Variants in SLC35F4 observed in about 807,000 individuals in gnomAD.
SLC35F4 encodes the protein solute carrier family 35 member F4.
SLC35F4 carries 24 observed loss-of-function variants against 44.2 expected under a neutral mutation model. The observed-to-expected ratio is 0.54, with a 90% CI of 0.39 to 0.76. The LOEUF is 0.76. Among genes scored for constraint, SLC35F4 ranks in the 30% least tolerant of loss-of-function variants. The probability of loss-of-function intolerance (pLI) is 0.00; values close to 1 mark genes in which losing one functional copy is unlikely to be tolerated. For missense variants in SLC35F4, 562 were observed against 586.1 expected (o/e 0.96, Z 0.42); for synonymous variants, 238 against 223.6 (o/e 1.06, Z -0.57).
chr14:57,800,963 G>T (rs968738948), intron 1 of SLC35F4, among the ~76,000 whole-genome samples: 1 of 152,178 alleles, frequency 6.6e-6, no homozygotes, highest in Non-Finnish European at 1.5e-5. Context: ...TCATCCAGAA[G>T]AACTTCCCCA....
At chr14:57,652,443 A>G (rs947290794) in intron 1 of SLC35F4, among the ~76,000 whole-genome samples, 1 of 152,136 alleles carries the variant, frequency 6.6e-6, no homozygotes, top group Non-Finnish European at 1.5e-5. Context: ...TTTTTGGAGC[A>G]AATTTCTTCT....
chr14:57,802,985 C>CAAAAAAAAAAAAAAA (rs59647111), intron 1 of SLC35F4, among the ~76,000 whole-genome samples: 1 of 71,320 alleles, frequency 1.4e-5, no homozygotes, highest in Non-Finnish European at 2.6e-5. Context: ...GCAGAGATAC[C>CAAAAAAAAAAAAAAA]AAAAAAAAAA....
chr14:57,844,947 C>A (rs1346021573), intron 1 of SLC35F4, among the ~76,000 whole-genome samples: 1 of 152,080 alleles, frequency 6.6e-6, no homozygotes, highest in African/African-American at 2.4e-5. Flanking sequence ...CCCCACCCCC[C>A]CATGCACATA....
At chr14:57,817,619 T>C (rs1028410319) in intron 1 of SLC35F4, among the ~76,000 whole-genome samples, 3 of 151,986 alleles carry the variant, frequency 2.0e-5, no homozygotes, top group African/African-American at 7.2e-5. Flanking sequence ...GGAGAATACA[T>C]ATGAGACAGG....
At chr14:57,822,236 T>C (rs539923863) in intron 1 of SLC35F4, among the ~76,000 whole-genome samples, 1 of 152,358 alleles carries the variant, frequency 6.6e-6, no homozygotes, top group East Asian at 1.9e-4. Context: ...GGTAAGTTTC[T>C]GTGTCCTTTG....
rs549849873 is a variant in SLC35F4, at chr14:57,812,290, C to T, written c.103+53433G>A. 3.3e-5 allele frequency among the ~76,000 whole-genome samples: 5 copies of T among 152,244 alleles called. No homozygotes were observed. The South Asian group carries it at 1.0e-3, about 32-fold the overall frequency. The stretch of plus-strand genomic sequence containing the variant: ...CTGGAACCCAAACTGTGCCCCTCCC[C>T]TCCCACCTCCCTTTCAGAGTCTACT... On this transcript the variant is annotated intron_variant, in intron 1 of 7. Transcript: ENST00000556826.
intron 3 of SLC35F4, 27 bp from the exon 4 acceptor site, chr14:57,581,460 C>G: frequency 6.4e-7 from 1 of 1,573,970 alleles, no homozygotes; most frequent in Non-Finnish European, 8.6e-7. Context: ...AAGTTAATAT[C>G]CAGGTACTGA....
chr14:57,931,005 C>T (rs186262040), intron 1 of SLC35F4, among the ~76,000 whole-genome samples: 1 of 152,270 alleles, frequency 6.6e-6, no homozygotes, highest in East Asian at 1.9e-4. Context: ...TGATGTTTCA[C>T]TTTATGGGAA....
At chr14:57,799,680 G>C (rs1418332522) in intron 1 of SLC35F4, among the ~76,000 whole-genome samples, 1 of 152,230 alleles carries the variant, frequency 6.6e-6, no homozygotes, top group Non-Finnish European at 1.5e-5. Flanking sequence ...CAGCTTTGGA[G>C]AATACAAATG....
At chr14:57,617,519 A>G (rs2140077093) in intron 1 of SLC35F4, among the ~76,000 whole-genome samples, 1 of 152,304 alleles carries the variant, frequency 6.6e-6, no homozygotes, top group African/African-American at 2.4e-5. Flanking sequence ...TTGTTTATTC[A>G]CTTACCCAAT....
intron 1 of SLC35F4, among the ~76,000 whole-genome samples, chr14:57,769,975 C>T (rs923155530): frequency 6.6e-6 from 1 of 152,122 alleles, no homozygotes. Flanking sequence ...ACACCATCTG[C>T]CTTCTTTGCC....
intron 1 of SLC35F4, among the ~76,000 whole-genome samples, chr14:57,685,817 A>C (rs1448431725): frequency 6.6e-6 from 1 of 152,198 alleles, no homozygotes; most frequent in African/African-American, 2.4e-5. Context: ...TCAAAATTTT[A>C]CTTATGAGCA....
chr14:57,776,452 G>A (rs756783383), intron 1 of SLC35F4, among the ~76,000 whole-genome samples: 3 of 152,018 alleles, frequency 2.0e-5, no homozygotes, highest in Non-Finnish European at 2.9e-5. Flanking sequence ...GGATCACGAG[G>A]TCAGGAGATC....
chr14:57,741,466 G>A (rs188760419), intron 1 of SLC35F4, among the ~76,000 whole-genome samples: 13 of 152,104 alleles, frequency 8.5e-5, no homozygotes, highest in African/African-American at 2.2e-4. Flanking sequence ...TAGCCAATTC[G>A]ATCAAGTGGA....
intron 1 of SLC35F4, among the ~76,000 whole-genome samples, chr14:57,744,900 C>A (rs1485088048): frequency 6.6e-6 from 1 of 152,112 alleles, no homozygotes; most frequent in African/African-American, 2.4e-5. Context: ...GAGATATAGA[C>A]CAATGGAACA....
chr14:57,837,873 C>T (rs1885092293), intron 1 of SLC35F4, among the ~76,000 whole-genome samples: 1 of 152,228 alleles, frequency 6.6e-6, no homozygotes. Context: ...AATACACATA[C>T]ATTCAAATAT....
intron 1 of SLC35F4, among the ~76,000 whole-genome samples, chr14:57,825,587 G>A (rs1883648499): frequency 6.6e-6 from 1 of 152,144 alleles, no homozygotes; most frequent in Non-Finnish European, 1.5e-5. Flanking sequence ...TAACTACTTT[G>A]CAGATGACAT....
intron 1 of SLC35F4, among the ~76,000 whole-genome samples, chr14:57,812,835 A>G (rs541131473): frequency 6.6e-6 from 1 of 152,308 alleles, no homozygotes; most frequent in African/African-American, 2.4e-5. Context: ...ATCCTATGAC[A>G]TAATGCAACT....
intron 1 of SLC35F4, among the ~76,000 whole-genome samples, chr14:57,891,135 G>T (rs1297579596): frequency 1.3e-5 from 2 of 152,132 alleles, no homozygotes; most frequent in Non-Finnish European, 2.9e-5. Flanking sequence ...AAATGCCATA[G>T]ACTATATCTC....
Sources: allele counts gnomAD v4.1 joint callset (sites outside exome capture counted in the v4.1 genomes callset), GRCh38; gene constraint gnomAD v4.1.1; transcripts MANE v1.5; gene names NCBI Gene and HGNC (gene_info 2026-07-23, HGNC 2026-07-21).